The following SLC8A3 variants were observed in gnomAD, a reference collection of about 807,000 sequenced individuals.
SLC8A3 encodes sodium/calcium exchanger 3.
In SLC8A3, 37 loss-of-function variants were observed where a neutral mutation model predicts 65.4. That is an observed-to-expected ratio of 0.57 (90% CI 0.44 to 0.74). SLC8A3 has a LOEUF of 0.74. Ranked by LOEUF, SLC8A3 falls within the 30% of genes least tolerant of loss-of-function variation. SLC8A3 has a pLI of 0.00. For missense variants in SLC8A3, 1,112 were observed against 1,172.1 expected (o/e 0.95, Z 0.75); for synonymous variants, 461 against 444.5 (o/e 1.04, Z -0.47).
At chr14:70,110,452 CTGTGCCTGGCTTATTTCACTTAACACAA>C (rs1458187604) in intron 2 of SLC8A3, among the ~76,000 whole-genome samples, 1 of 151,692 alleles carries the variant, frequency 6.6e-6, no homozygotes, top group African/African-American at 2.4e-5. Flanking sequence ...GTTTTTCTTT[CTGTGCCTGGCTTATTTCACTTAACACAA>C]TGATCTCCAG....
At chr14:70,067,046 G>A (rs1889505489) in intron 2 of SLC8A3, among the ~76,000 whole-genome samples, 1 of 152,140 alleles carries the variant, frequency 6.6e-6, no homozygotes, top group Non-Finnish European at 1.5e-5. Context: ...GCATGATCCA[G>A]TCGCTGCTGA....
At chr14:70,155,403 T>A (rs577965612) in intron 2 of SLC8A3, among the ~76,000 whole-genome samples, 301 of 152,340 alleles carry the variant, frequency 2.0e-3, no homozygotes, top group South Asian at 3.3e-3. Context: ...CATCCTCTAA[T>A]AACTACAATT....
At chr14:70,052,783 A>G (rs943490892) in intron 3 of SLC8A3, among the ~76,000 whole-genome samples, 1 of 152,188 alleles carries the variant, frequency 6.6e-6, no homozygotes, top group Non-Finnish European at 1.5e-5. Context: ...CTTCCCATCC[A>G]AGTCCACATT....
Position 70,098,855 on chromosome 14 carries a change from A to G in SLC8A3, c.1785-37916T>C, listed in dbSNP as rs149310757. Among the ~76,000 whole-genome samples the G allele has an allele frequency of 1.9e-4, 29 of 152,336 alleles. No homozygotes were observed. In the East Asian group the frequency reaches 5.4e-3, roughly 28 times the overall value. ...GTAGTGCTTTGATTATATCCAAGAA[A>G]GTGCAGAAGAGAAAGGTTGAGAAAA... is the stretch of plus-strand genomic sequence containing the variant. On this transcript the variant is annotated intron_variant, in intron 2 of 6. Coordinates refer to ENST00000356921, the MANE Select transcript of SLC8A3 (RefSeq NM_182932.3).
intron 2 of SLC8A3, among the ~76,000 whole-genome samples, chr14:70,139,387 C>G (rs2140262239): frequency 6.6e-6 from 1 of 152,320 alleles, no homozygotes; most frequent in South Asian, 2.1e-4. Flanking sequence ...CTTGCAAGCC[C>G]TCTTTGATGG....
At chr14:70,109,602 T>C (rs1893138900) in intron 2 of SLC8A3, among the ~76,000 whole-genome samples, 1 of 151,738 alleles carries the variant, frequency 6.6e-6, no homozygotes, top group African/African-American at 2.4e-5. Context: ...CTACAGTGCA[T>C]GCCACCACAA....
chr14:70,063,896 C>T, intron 2 of SLC8A3: 1 of 1,610,630 alleles, frequency 6.2e-7, no homozygotes, highest in Non-Finnish European at 8.5e-7. Context: ...TCTCATATGC[C>T]TCATCATCAA....
chr14:70,055,316 C>A (rs796244939), intron 3 of SLC8A3, among the ~76,000 whole-genome samples: 1 of 152,212 alleles, frequency 6.6e-6, no homozygotes, highest in South Asian at 2.1e-4. Context: ...GGTAAAATTC[C>A]AGATTCTTTA....
chr14:70,112,067 C>G (rs528648549), intron 2 of SLC8A3, among the ~76,000 whole-genome samples: 2 of 152,320 alleles, frequency 1.3e-5, no homozygotes, highest in South Asian at 4.1e-4. Flanking sequence ...CCCTCCAACT[C>G]AGACCTCAAG....
intron 2 of SLC8A3, among the ~76,000 whole-genome samples, chr14:70,076,293 G>A (rs1890513245): frequency 6.6e-6 from 1 of 152,088 alleles, no homozygotes; most frequent in Non-Finnish European, 1.5e-5. Context: ...CATCATATCT[G>A]TTTCCCTTTA....
At chr14:70,116,323 G>GTC (rs1201415648) in intron 2 of SLC8A3, among the ~76,000 whole-genome samples, 5 of 38,176 alleles carry the variant, frequency 1.3e-4, no homozygotes, top group Non-Finnish European at 4.1e-4. Context: ...TGAGAACACT[G>GTC]TGTGTGTGTG....
chr14:70,171,754 C>G (rs1469795540), intron 1 of SLC8A3, among the ~76,000 whole-genome samples: 1 of 152,098 alleles, frequency 6.6e-6, no homozygotes, highest in African/African-American at 2.4e-5. Context: ...GAGCCAAGAT[C>G]GCGCCATTGC....
chr14:70,127,730 T>C (rs1302929057), intron 2 of SLC8A3, among the ~76,000 whole-genome samples: 1 of 152,104 alleles, frequency 6.6e-6, no homozygotes, highest in Admixed American at 6.5e-5. Context: ...CAGGCCCTTA[T>C]AGAGGGGGGA....
chr14:70,094,288 G>A (rs1479495712), intron 2 of SLC8A3, among the ~76,000 whole-genome samples: 1 of 152,214 alleles, frequency 6.6e-6, no homozygotes, highest in Non-Finnish European at 1.5e-5. Context: ...TGCTGAGTCA[G>A]ACTCAGACTG....
At chr14:70,155,023 G>A (rs529981678) in intron 2 of SLC8A3, among the ~76,000 whole-genome samples, 3 of 150,520 alleles carry the variant, frequency 2.0e-5, no homozygotes, top group South Asian at 2.1e-4. Flanking sequence ...AGGTTCAAGC[G>A]ATTCTCCTGC....
At chr14:70,082,398 A>G (rs868720954) in intron 2 of SLC8A3, among the ~76,000 whole-genome samples, 1 of 152,250 alleles carries the variant, frequency 6.6e-6, no homozygotes, top group African/African-American at 2.4e-5. Context: ...CTGCTCTGGC[A>G]GGAGATTGCA....
At chr14:70,108,291 T>C (rs967866587) in intron 2 of SLC8A3, among the ~76,000 whole-genome samples, 2 of 151,898 alleles carry the variant, frequency 1.3e-5, no homozygotes, top group African/African-American at 2.4e-5. Flanking sequence ...TCCCAGCTAC[T>C]TGGGAGGCTG....
chr14:70,157,225 G>C (rs958503961), intron 2 of SLC8A3, among the ~76,000 whole-genome samples: 2 of 152,192 alleles, frequency 1.3e-5, no homozygotes, highest in African/African-American at 4.8e-5. Context: ...ATGTGTGCCA[G>C]TTTGGAGTTG....
In SLC8A3 at chr14:70,046,278, T is replaced by A; in HGVS notation, c.2435A>T (p.Asp812Val). 1 of 1,613,970 alleles carries A rather than the reference T, an allele frequency of 6.2e-7. No individual in the cohort carries two copies. Among genetic ancestry groups the A allele is most frequent in the African/African-American group, 1.3e-5 (1 of 75,048 alleles). Reference sequence around the variant, plus strand: ...GCCCGTCACGTTGCCAATGGAGGCGTCTGCATATACATCCTGGAGGGCAGC... The same window carrying A: ...GCCCGTCACGTTGCCAATGGAGGCGACTGCATATACATCCTGGAGGGCAGC... ...KAAALQDVYA[D>V]ASIGNVTGSN... Residue 812 changes from aspartate to valine, a missense_variant, in exon 7 of 7, where the codon GAC (aspartate) becomes GTC (valine). Coordinates refer to ENST00000356921, the MANE Select transcript of SLC8A3 (RefSeq NM_182932.3). The surrounding 1 kb of genome is among the most constrained non-coding windows in gnomAD (Gnocchi z 4.2).
Sources: gnomAD v4.1 joint callset for allele counts (sites outside exome capture counted in the v4.1 genomes callset) on GRCh38, gnomAD v4.1.1 for gene constraint, Gnocchi (gnomAD v3.1) non-coding constraint, MANE v1.5 for transcripts, NCBI Gene and HGNC (gene_info 2026-07-23, HGNC 2026-07-21) for gene names.